Variants in COL14A1 observed in about 807,000 individuals in gnomAD.
COL14A1 encodes the protein collagen type XIV alpha 1 chain.
In COL14A1, 136 loss-of-function variants were observed where a neutral mutation model predicts 230.3. The observed-to-expected ratio is 0.59, with a 90% CI of 0.51 to 0.68. COL14A1 has a LOEUF of 0.68. Among genes scored for constraint, COL14A1 ranks in the 30% least tolerant of loss-of-function variants. The pLI is 0.00. For missense variants in COL14A1, 1,976 were observed against 2,215.8 expected (o/e 0.89, Z 2.17); for synonymous variants, 792 against 784.1 (o/e 1.01, Z -0.17).
At chr8:120,163,205 C>T (rs1226838880) in intron 4 of COL14A1, among the ~76,000 whole-genome samples, 1 of 152,120 alleles carries the variant, frequency 6.6e-6, no homozygotes, top group Non-Finnish European at 1.5e-5. Context: ...GCTGATTTGT[C>T]AACAAATACA....
intron 45 of COL14A1, among the ~76,000 whole-genome samples, chr8:120,348,620 A>C (rs1822624301): frequency 6.6e-6 from 1 of 152,090 alleles, no homozygotes; most frequent in Non-Finnish European, 1.5e-5. Flanking sequence ...AATCTCACAA[A>C]TCCCCACTAA....
intron 29 of COL14A1, 113 bp from the exon 30 acceptor site, chr8:120,280,598 T>C (rs77623996): frequency 0.012 from 12,458 of 1,008,182 alleles, 99 homozygotes; most frequent in Middle Eastern, 0.016. Flanking sequence ...TTGTATTCTC[T>C]CCACAATCAA....
At chr8:120,180,625 A>G (rs1429539060) in intron 5 of COL14A1, among the ~76,000 whole-genome samples, 3 of 151,110 alleles carry the variant, frequency 2.0e-5, no homozygotes, top group African/African-American at 7.3e-5. Flanking sequence ...CTACAATGGC[A>G]ATGAAGTCCC....
intron 8 of COL14A1, among the ~76,000 whole-genome samples, chr8:120,202,791 T>G (rs1263730129): frequency 7.9e-5 from 12 of 151,790 alleles, no homozygotes; most frequent in Admixed American, 1.3e-4. Flanking sequence ...TCCTATTCTA[T>G]TCCCTGCTGT....
At chr8:120,208,986 A>G (rs985381823) in intron 11 of COL14A1, among the ~76,000 whole-genome samples, 1 of 152,168 alleles carries the variant, frequency 6.6e-6, no homozygotes, top group Non-Finnish European at 1.5e-5. Context: ...AATTGCTCTA[A>G]AAAATCTGCC....
At chr8:120,279,834 CTAAA>C in intron 28 of COL14A1, 97 bp from the exon 29 acceptor site, 2 of 1,339,046 alleles carry the variant, frequency 1.5e-6, no homozygotes, top group Non-Finnish European at 1.0e-6. Flanking sequence ...ATGGGCCTTC[CTAAA>C]TAAACATATT....
chr8:120,330,903 C>A (rs527891779), intron 40 of COL14A1, among the ~76,000 whole-genome samples: 1 of 152,034 alleles, frequency 6.6e-6, no homozygotes, highest in South Asian at 2.1e-4. Flanking sequence ...GTTGGGAGTT[C>A]GAGACGAGTC....
chr8:120,252,887 A>C (rs538371768), intron 22 of COL14A1, among the ~76,000 whole-genome samples: 1 of 152,304 alleles, frequency 6.6e-6, no homozygotes, highest in South Asian at 2.1e-4. Context: ...CTTTTATAGA[A>C]GAGGTGTCCT....
At chr8:120,196,366 G>A (rs544458098) in intron 5 of COL14A1, among the ~76,000 whole-genome samples, 2 of 152,198 alleles carry the variant, frequency 1.3e-5, no homozygotes, top group East Asian at 3.9e-4. Context: ...ATCACTTCCT[G>A]TAGCATAAAT....
At chr8:120,128,185 C>A (rs1814405793) in intron 1 of COL14A1, among the ~76,000 whole-genome samples, 1 of 151,612 alleles carries the variant, frequency 6.6e-6, no homozygotes, top group Non-Finnish European at 1.5e-5. Context: ...GTAGACCAAA[C>A]TGCATCCTGT....
chr8:120,166,954 A>G (rs1815919255), intron 4 of COL14A1, among the ~76,000 whole-genome samples: 1 of 146,622 alleles, frequency 6.8e-6, no homozygotes, highest in South Asian at 2.2e-4. Flanking sequence ...GGGGTGCTCC[A>G]AAGTGCCAAT....
At chr8:120,133,908 A>C (rs1285363328) in intron 1 of COL14A1, among the ~76,000 whole-genome samples, 1 of 152,122 alleles carries the variant, frequency 6.6e-6, no homozygotes, top group African/African-American at 2.4e-5. Flanking sequence ...ATGTTAAACT[A>C]TTCAAGGTAG....
intron 22 of COL14A1, 98 bp downstream of exon 22, chr8:120,250,864 C>G: frequency 2.2e-6 from 3 of 1,360,110 alleles, no homozygotes; most frequent in Non-Finnish European, 3.0e-6. Flanking sequence ...CTGGAGTGCG[C>G]TGGTGCGATC....
chr8:120,263,482 T>A (rs1190411200), intron 24 of COL14A1, among the ~76,000 whole-genome samples: 1 of 152,202 alleles, frequency 6.6e-6, no homozygotes, highest in African/African-American at 2.4e-5. Context: ...CCAAGCTGAC[T>A]GCAGATGTGA....
chr8:120,337,320 C>T (rs746739280), intron 42 of COL14A1, among the ~76,000 whole-genome samples: 2 of 150,670 alleles, frequency 1.3e-5, no homozygotes, highest in Admixed American at 6.6e-5. Context: ...CGCTTAAACC[C>T]GGGAGGCAGA....
chr8:120,285,954 A>G lies in COL14A1; in HGVS notation c.4061A>G (p.Tyr1354Cys). ...GGACCTGAAATTAGGAAAATTTTTT[A>G]TGGAAGCTTTCACAAGGTTAGTAAT... is the stretch of plus-strand genomic sequence containing the variant. ...FEGPEIRKIF[Y>C]GSFHKLHIVV... The change falls in exon 33 of 48, where the codon TAT (tyrosine) becomes TGT (cysteine). Residue 1354 changes from tyrosine to cysteine, a missense_variant. Around this residue, in one of 3 missense-constraint regions of COL14A1, gnomAD observed 1,791 missense variants for 2,019.5 expected, o/e 0.89. Transcript: ENST00000297848. 1 of 1,584,398 alleles carries G rather than the reference A, an allele frequency of 6.3e-7. No homozygotes were observed. Among genetic ancestry groups the G allele is most frequent in the Non-Finnish European group, 8.7e-7 (1 of 1,153,434 alleles).
chr8:120,355,224 T>C (rs1426713075), intron 45 of COL14A1, among the ~76,000 whole-genome samples: 1 of 152,218 alleles, frequency 6.6e-6, no homozygotes, highest in African/African-American at 2.4e-5. Flanking sequence ...GCTCTGTGCA[T>C]ATCATTCCCA....
At chr8:120,284,935 G>C (rs1210888039) in intron 32 of COL14A1, among the ~76,000 whole-genome samples, 3 of 151,876 alleles carry the variant, frequency 2.0e-5, no homozygotes, top group Non-Finnish European at 4.4e-5. Context: ...TTGAACAAAG[G>C]CATTTAAAAA....
chr8:120,268,594 T>C (rs1282540246), intron 25 of COL14A1, among the ~76,000 whole-genome samples: 3 of 151,728 alleles, frequency 2.0e-5, no homozygotes, highest in Non-Finnish European at 3.0e-5. Flanking sequence ...GAATGCACTG[T>C]GTATTTTAGG....
Sources: gnomAD v4.1 joint callset for allele counts (sites outside exome capture counted in the v4.1 genomes callset) on GRCh38, gnomAD v4.1.1 for gene constraint, gnomAD v4.1.1 regional missense constraint, MANE v1.5 for transcripts, NCBI Gene and HGNC (gene_info 2026-07-23, HGNC 2026-07-21) for gene names.